The following ZBTB4 variants were observed in gnomAD, a reference collection of about 807,000 sequenced individuals.
ZBTB4 encodes the protein zinc finger and BTB domain containing 4.
Under a neutral mutation model 59.8 loss-of-function variants are expected in ZBTB4, and 14 were observed. The ratio of observed to expected loss-of-function variants is 0.23; its 90% CI spans 0.15 to 0.37. The LOEUF (loss-of-function observed/expected upper bound fraction) is 0.37, where lower values mean the gene tolerates loss of function less well. ZBTB4 is among the 10% of genes least tolerant of loss of function. The probability of loss-of-function intolerance (pLI) is 1.00; values close to 1 mark genes in which losing one functional copy is unlikely to be tolerated. For synonymous variants in ZBTB4, 587 were observed against 575.2 expected, an observed-to-expected ratio of 1.02 and a Z score of -0.29; for missense variants, 1,198 against 1,380.8, an observed-to-expected ratio of 0.87 and a Z score of 2.10.
chr17:7,465,105 G>C (rs952406130), intron 3 of ZBTB4, among the ~76,000 whole-genome samples: 2 of 146,504 alleles, frequency 1.4e-5, no homozygotes, highest in African/African-American at 2.5e-5. Flanking sequence ...GCAGTGAGCC[G>C]AGATCACGCC....
At chr17:7,480,882 C>T (rs1004642828), upstream of ZBTB4, among the ~76,000 whole-genome samples, 1 of 151,776 alleles carries the variant, frequency 6.6e-6, no homozygotes, top group East Asian at 1.9e-4. Flanking sequence ...GGGCTGGGCA[C>T]GGTGGCTCAT....
At chr17:7,467,595 G>A (rs1273711646) in intron 1 of ZBTB4, among the ~76,000 whole-genome samples, 1 of 152,126 alleles carries the variant, frequency 6.6e-6, no homozygotes, top group Non-Finnish European at 1.5e-5. Context: ...AAGATAATTT[G>A]CATATTCCCA....
rs763331291 is a variant in ZBTB4, at chr17:7,466,133, A to G, written c.669T>C (p.Pro223=). 18 of 1,611,234 alleles carry G rather than the reference A, an allele frequency of 1.1e-5. 1 individual carries two copies. In the South Asian group the frequency reaches 1.8e-4, roughly 16 times the overall value. ...GCCGGGGCAGGGAGCACTGCAAGTCAGGGGCCTGGGCCTCAGCCCTGTCAC... is the reference window on the plus strand; with the variant it reads ...GCCGGGGCAGGGAGCACTGCAAGTCGGGGGCCTGGGCCTCAGCCCTGTCAC... ...WEGDRAEAQA[P]DLQCSLPRRP... The change falls in exon 3 of 4, where the codon CCT becomes CCC. Residue 223 remains proline, a synonymous_variant. Transcript: ENST00000380599. The surrounding 1 kb of genome is among the most constrained non-coding windows in gnomAD (Gnocchi z 9.1).
At chr17:7,483,019 C>G, upstream of ZBTB4, 1 of 1,611,710 alleles carries the variant, frequency 6.2e-7, no homozygotes, top group Non-Finnish European at 8.5e-7. Flanking sequence ...CTTGGGAGCC[C>G]GGGGGTTGGG....
chr17:7,464,224 C>T (rs911926311), intron 3 of ZBTB4, among the ~76,000 whole-genome samples: 2 of 152,180 alleles, frequency 1.3e-5, no homozygotes, highest in African/African-American at 4.8e-5. Context: ...TAATGACTCC[C>T]GGACATGCCT....
Position 7,468,076 on chromosome 17 carries a change from G to A in ZBTB4, c.-80-749C>T, listed in dbSNP as rs577525862. Among the ~76,000 whole-genome samples, 6 of 152,344 alleles carry A rather than the reference G, an allele frequency of 3.9e-5. No homozygotes were observed. The East Asian group carries it at 7.7e-4, about 20-fold the overall frequency. The stretch of plus-strand genomic sequence containing the variant: ...CACCTCTTGCTGGGAGACTCGTCCA[G>A]AGGGAAGAGCAAGGCCAGGCGCGGG... On this transcript the variant is annotated intron_variant, in intron 1 of 3. Coordinates refer to ENST00000380599, the MANE Select transcript of ZBTB4 (RefSeq NM_001128833.2).
chr17:7,464,901 A>C (rs1229362330), intron 3 of ZBTB4, among the ~76,000 whole-genome samples: 1 of 151,076 alleles, frequency 6.6e-6, no homozygotes, highest in African/African-American at 2.4e-5. Context: ...TCATGCCTGT[A>C]ATCTCAGCAC....
chr17:7,478,865 G>A (rs1459032895), intron 1 of ZBTB4, among the ~76,000 whole-genome samples: 1 of 152,038 alleles, frequency 6.6e-6, no homozygotes, highest in Non-Finnish European at 1.5e-5. Context: ...CCAGCAAACG[G>A]TGGTGCCCAG....
upstream of ZBTB4, chr17:7,482,635 C>T: frequency 6.2e-7 from 1 of 1,612,064 alleles, no homozygotes. Flanking sequence ...ACTTTCCCTC[C>T]TGCCTCCCAA....
chr17:7,479,274 G>C (rs947038523), intron 1 of ZBTB4, among the ~76,000 whole-genome samples, 182 bp downstream of exon 1: 3 of 151,564 alleles, frequency 2.0e-5, no homozygotes. Flanking sequence ...CCCCAGCGTC[G>C]TGCGCGCCCG....
At chr17:7,481,869 C>A, upstream of ZBTB4, 1 of 1,382,896 alleles carries the variant, frequency 7.2e-7, no homozygotes, top group Non-Finnish European at 9.7e-7. Context: ...AGTTCCTCAG[C>A]AAGATAGCCC....
chr17:7,462,925 C>G lies in ZBTB4; in HGVS notation c.2057G>C (p.Gly686Ala), dbSNP rs369833358. 2 of 1,608,960 alleles carry G rather than the reference C, an allele frequency of 1.2e-6. No homozygotes were observed. The highest frequency in any genetic ancestry group is 2.2e-5 in the East Asian group (1 of 44,844). ...AGAAGGASVG[G>A]SGLPRGRRPP... ...CCGGCGGCCTCGGGGCAGCCCACTG[C>G]CCCCCACACTGGCACCTCCAGCAGC... The change falls in exon 4 of 4, where the codon GGC (glycine) becomes GCC (alanine). Residue 686 changes from glycine (G) to alanine (A), a missense_variant. By Grantham distance (60) the Gly-to-Ala change is moderately conservative (BLOSUM62 0). Transcript: ENST00000380599. This position sits in a 1 kb window ranked among gnomAD's most constrained non-coding sequence, Gnocchi z 7.5.
In ZBTB4 at chr17:7,465,967, C is replaced by T. The variant is rs2070115291; in HGVS notation, c.835G>A (p.Ala279Thr). Residue 279 changes from alanine to threonine, a missense_variant, in exon 3 of 4, where the codon GCA becomes ACA. By Grantham distance (58) the Ala-to-Thr change is moderately conservative. Coordinates refer to ENST00000380599, the MANE Select transcript of ZBTB4 (RefSeq NM_001128833.2). Reference sequence around the variant, plus strand: ...GGCAGGGCTGAGGCGTCCACCCCTGCAGGACCACCAGGGCCAGCGCCCCCA... The same window carrying T: ...GGCAGGGCTGAGGCGTCCACCCCTGTAGGACCACCAGGGCCAGCGCCCCCA... ...GAGGAGPGGP[A>T]GVDASALPPP... 2 of 1,601,262 alleles carry T rather than the reference C, an allele frequency of 1.2e-6. No homozygotes were observed. The highest frequency in any genetic ancestry group is 1.1e-5 in the South Asian group (1 of 90,240).
rs2069993059 is a variant in ZBTB4 at position 7,459,836 on chromosome 17, T to C, written c.*2104A>G. On this transcript the variant is annotated 3_prime_UTR_variant, in exon 4 of 4. Transcript: ENST00000380599. ...AAAAATGTCCATGGTTTTGGAATTTTGACCTATTCTGAAGTTCCAATTCTC... is the reference window on the plus strand; with the variant it reads ...AAAAATGTCCATGGTTTTGGAATTTCGACCTATTCTGAAGTTCCAATTCTC... 6.6e-6 allele frequency: 1 copy of C among 152,618 alleles called. No individual in the cohort carries two copies. Among genetic ancestry groups the C allele is most frequent in the Non-Finnish European group, 1.5e-5 (1 of 68,036 alleles). The allele number at this position is 152,618 out of a possible 1,614,324, so 9.5% of individuals were successfully genotyped here. A position where few individuals can be genotyped will look rare whatever the true frequency, so the allele number is the denominator to read the frequency against.
At chr17:7,478,694 C>A (rs2070302452) in intron 1 of ZBTB4, among the ~76,000 whole-genome samples, 1 of 152,206 alleles carries the variant, frequency 6.6e-6, no homozygotes, top group African/African-American at 2.4e-5. Flanking sequence ...AGCCCCACAT[C>A]GAACAAACTC....
Position 7,459,893 on chromosome 17 carries a change from G to T in ZBTB4, c.*2047C>A, listed in dbSNP as rs1392274294. On this transcript the variant is annotated 3_prime_UTR_variant, in exon 4 of 4. Transcript: ENST00000380599. ...ATCCTCAACCCTTCCATTTTCCCAT[G>T]CCTGTTTGCCTCAGAGGAGTATGGG... 6.6e-6 allele frequency: 1 copy of T among 152,446 alleles called. No homozygotes were observed. The highest frequency in any genetic ancestry group is 2.4e-5 in the African/African-American group (1 of 41,376). The allele number at this position is 152,446 out of a possible 1,614,324, so 9.4% of individuals were successfully genotyped here.
chr17:7,465,276 A>G (rs1334894071), intron 3 of ZBTB4, among the ~76,000 whole-genome samples: 1 of 151,578 alleles, frequency 6.6e-6, no homozygotes, highest in Non-Finnish European at 1.5e-5. Flanking sequence ...GACCAACATG[A>G]TGAAACCCTG....
intron 1 of ZBTB4, among the ~76,000 whole-genome samples, chr17:7,471,980 A>G (rs1172144017): frequency 6.6e-6 from 1 of 152,022 alleles, no homozygotes; most frequent in Non-Finnish European, 1.5e-5. Flanking sequence ...TGGGGATCTG[A>G]GCATGGACAC....
At chr17:7,481,531 G>A, upstream of ZBTB4, 1 of 1,551,516 alleles carries the variant, frequency 6.4e-7, no homozygotes, top group African/African-American at 1.4e-5. Flanking sequence ...TGAGTGTGGG[G>A]GCCAGGGGCC....
Sources: allele counts gnomAD v4.1 joint callset (sites outside exome capture counted in the v4.1 genomes callset), GRCh38; gene constraint gnomAD v4.1.1; non-coding constraint Gnocchi (gnomAD v3.1); transcripts MANE v1.5; gene names NCBI Gene and HGNC (gene_info 2026-07-23, HGNC 2026-07-21).